The following BCKDK variants were observed in gnomAD, a reference collection of about 807,000 sequenced individuals.
BCKDK encodes the protein branched chain keto acid dehydrogenase kinase.
In BCKDK, 28 loss-of-function variants were observed where a neutral mutation model predicts 43.9. The ratio of observed to expected loss-of-function variants is 0.64; its 90% CI spans 0.47 to 0.87. The LOEUF (loss-of-function observed/expected upper bound fraction) is 0.87, where lower values mean the gene tolerates loss of function less well. BCKDK is among the 40% of genes least tolerant of loss of function. The probability of loss-of-function intolerance (pLI) is 0.00; values close to 1 mark genes in which losing one functional copy is unlikely to be tolerated. For synonymous variants in BCKDK, 257 were observed against 234.3 expected (o/e 1.10, Z -0.88); for missense variants, 483 against 581.4 (o/e 0.83, Z 1.74).
downstream of BCKDK, among the ~76,000 whole-genome samples, chr16:31,115,539 CTTTT>C (rs543750810): frequency 6.6e-6 from 1 of 150,662 alleles, no homozygotes; most frequent in African/African-American, 2.4e-5. Flanking sequence ...TCTTTCCCCC[CTTTT>C]TTTTTGAGAC....
In BCKDK at chr16:31,112,358, A is replaced by C. The variant is rs776095748; in HGVS notation, c.*93A>C. The C allele has an allele frequency of 1.9e-6, 3 of 1,564,282 alleles. No individual in the cohort carries two copies. The highest frequency in any genetic ancestry group is 1.7e-6 in the Non-Finnish European group (2 of 1,150,934). ...GGCAGGGCGGCCCCCTGCTCCACAC[A>C]CTGCTGCATCTTGGGTCTCAGGGAC... On this transcript the variant is annotated 3_prime_UTR_variant, in exon 12 of 12. Transcript: ENST00000219794. This position sits in a 1 kb window ranked among gnomAD's most constrained non-coding sequence, Gnocchi z 5.0.
chr16:31,116,956 C>T (rs1260166084), downstream of BCKDK, among the ~76,000 whole-genome samples: 5 of 145,442 alleles, frequency 3.4e-5, no homozygotes, highest in East Asian at 1.1e-3. Context: ...CGACATTAGG[C>T]CAGCGCGAGT....
chr16:31,114,993 C>T (rs959223893), downstream of BCKDK, among the ~76,000 whole-genome samples: 4 of 151,870 alleles, frequency 2.6e-5, no homozygotes, highest in East Asian at 3.9e-4. Flanking sequence ...GGCGCGATCT[C>T]GGCTCACTGC....
chr16:31,117,584 C>A, downstream of BCKDK: 2 of 1,032,726 alleles, frequency 1.9e-6, no homozygotes, highest in Non-Finnish European at 2.6e-6. Flanking sequence ...CATCACAGAC[C>A]CCGCCCTCAA....
chr16:31,115,083 CCTGA>C (rs954696408), downstream of BCKDK, among the ~76,000 whole-genome samples: 2 of 151,344 alleles, frequency 1.3e-5, no homozygotes, highest in Non-Finnish European at 2.9e-5. Flanking sequence ...CGCCACCACC[CCTGA>C]CTGTTTTGTA....
downstream of BCKDK, chr16:31,117,430 T>A (rs1031749292): frequency 2.7e-6 from 1 of 376,282 alleles, no homozygotes; most frequent in Non-Finnish European, 4.7e-6. Flanking sequence ...AGTCATCGCA[T>A]GAGGTAAGTC....
At chr16:31,117,423 C>G (rs2057455129), downstream of BCKDK, 2 of 348,142 alleles carry the variant, frequency 5.7e-6, no homozygotes, top group Non-Finnish European at 1.0e-5. Flanking sequence ...TGAGTTGAGT[C>G]ATCGCATGAG....
At position 31,109,836 on chromosome 16, in the gene BCKDK, G is replaced by C. The variant is rs1237013346; in HGVS notation, c.375+53G>C. On this transcript the variant is annotated intron_variant, in intron 4 of 11. Coordinates refer to ENST00000219794, the MANE Select transcript of BCKDK (RefSeq NM_005881.4). The surrounding 1 kb of genome is among the most constrained non-coding windows in gnomAD (Gnocchi z 5.3). ...GGGCCACCCTGCCCCGGGGGCAAGT[G>C]GGGAGTCTGGGGCCCAGAGTGGCAG... 4.5e-6 allele frequency: 7 copies of C among 1,564,972 alleles called. No homozygotes were observed. The highest frequency in any genetic ancestry group is 1.1e-5 in the South Asian group (1 of 89,788).
At position 31,109,928 on chromosome 16, in the gene BCKDK, T is replaced by G; in HGVS notation, c.375+145T>G. On this transcript the variant is annotated intron_variant, in intron 4 of 11. Transcript: ENST00000219794. This position sits in a 1 kb window ranked among gnomAD's most constrained non-coding sequence, Gnocchi z 5.3. ...ACCCCAGGCCTTCAGAAGCCAAAGGTGTGTATTCACGGAGCCTGGAAGGGT... is the reference window on the plus strand; with the variant it reads ...ACCCCAGGCCTTCAGAAGCCAAAGGGGTGTATTCACGGAGCCTGGAAGGGT... 1 of 1,372,298 alleles carries G rather than the reference T, an allele frequency of 7.3e-7. No homozygotes were observed. Among genetic ancestry groups the G allele is most frequent in the Non-Finnish European group, 1.0e-6 (1 of 971,030 alleles). The allele number at this position is 1,372,298 out of a possible 1,614,324, so 85.0% of individuals were successfully genotyped here. A position where few individuals can be genotyped will look rare whatever the true frequency, so the allele number is the denominator to read the frequency against.
Position 31,110,893 on chromosome 16 carries a change from G to A in BCKDK, c.716+132G>A. The A allele has an allele frequency of 1.8e-5, 25 of 1,385,944 alleles. No homozygotes were observed. The highest frequency in any genetic ancestry group is 2.5e-5 in the Non-Finnish European group (25 of 995,040). 85.9% of individuals were successfully genotyped at this position (1,385,944 alleles called of 1,614,324 possible). On this transcript the variant is annotated intron_variant, in intron 8 of 11. Coordinates refer to ENST00000219794, the MANE Select transcript of BCKDK (RefSeq NM_005881.4). This position sits in a 1 kb window ranked among gnomAD's most constrained non-coding sequence, Gnocchi z 5.4. ...ATGGCACTATTGACATTTCCAGCCA[G>A]ATAATTCTTTGTCACAGGGGCTGCC...
At chr16:31,111,810 G>C in intron 10 of BCKDK, 59 bp from the exon 11 acceptor site, 4 of 1,598,756 alleles carry the variant, frequency 2.5e-6, no homozygotes, top group South Asian at 2.2e-5. Context: ...GTCTGCTTGG[G>C]GGGTGGTGAG....
In BCKDK at chr16:31,109,838, G is replaced by A; in HGVS notation, c.375+55G>A. ...GCCACCCTGCCCCGGGGGCAAGTGG[G>A]GAGTCTGGGGCCCAGAGTGGCAGAC... On this transcript the variant is annotated intron_variant, in intron 4 of 11. Coordinates refer to ENST00000219794, the MANE Select transcript of BCKDK (RefSeq NM_005881.4). This position sits in a 1 kb window ranked among gnomAD's most constrained non-coding sequence, Gnocchi z 5.3. 1 of 1,565,528 alleles carries A rather than the reference G, an allele frequency of 6.4e-7. No individual in the cohort carries two copies. The highest frequency in any genetic ancestry group is 8.8e-7 in the Non-Finnish European group (1 of 1,137,572).
At chr16:31,113,292 C>T (rs975821764), downstream of BCKDK, among the ~76,000 whole-genome samples, 1 of 152,188 alleles carries the variant, frequency 6.6e-6, no homozygotes, top group Non-Finnish European at 1.5e-5. Context: ...ATCTCCTACC[C>T]TTCACGGGGA....
chr16:31,111,745 A>T (rs936799504), intron 10 of BCKDK, 124 bp from the exon 11 acceptor site: 416 of 1,310,596 alleles, frequency 3.2e-4, no homozygotes, highest in Middle Eastern at 1.9e-3. Context: ...CCAAGGGTCT[A>T]GGTGGACCAC....
At position 31,112,157 on chromosome 16, in the gene BCKDK, G is replaced by A. The variant is rs151090898; in HGVS notation, c.1131G>A (p.Ala377=). The change falls in exon 12 of 12, where the codon GCG becomes GCA. Residue 377 remains alanine (A), a synonymous_variant. Transcript: ENST00000219794. This position sits in a 1 kb window ranked among gnomAD's most constrained non-coding sequence, Gnocchi z 5.0. ...GFGLPTSRAY[A]EYLGGSLQLQ... is the part of the protein sequence containing the mutation. ...GGTTGCCCACGTCACGGGCCTACGCGGAGTACCTCGGTGGGTCTCTGCAGC... is the reference window on the plus strand; with the variant it reads ...GGTTGCCCACGTCACGGGCCTACGCAGAGTACCTCGGTGGGTCTCTGCAGC... 44 of 1,613,450 alleles carry A rather than the reference G, an allele frequency of 2.7e-5. No homozygotes were observed. The highest frequency in any genetic ancestry group is 1.5e-4 in the African/African-American group (11 of 74,938).
Position 31,110,064 on chromosome 16 carries a change from C to G in BCKDK, c.376-13C>G, listed in dbSNP as rs1427092328. 6.2e-7 allele frequency: 1 copy of G among 1,614,174 alleles called. No homozygotes were observed. Among genetic ancestry groups the G allele is most frequent in the Non-Finnish European group, 8.5e-7 (1 of 1,180,040 alleles). ...CATGCGGCTTTGTGAATTCCCACACCTCTTCCTTGCAGCATGAGCTATATA... is the reference window on the plus strand; with the variant it reads ...CATGCGGCTTTGTGAATTCCCACACGTCTTCCTTGCAGCATGAGCTATATA... On this transcript the variant is annotated splice_polypyrimidine_tract_variant and intron_variant, in intron 4 of 11. Transcript: ENST00000219794. This position sits in a 1 kb window ranked among gnomAD's most constrained non-coding sequence, Gnocchi z 5.4.
At position 31,111,196 on chromosome 16, in the gene BCKDK, G is replaced by A. The variant is rs55884792; in HGVS notation, c.822G>A (p.Pro274=). The change falls in exon 9 of 12, where the codon CCG becomes CCA. Residue 274 remains proline (P), a synonymous_variant. Transcript: ENST00000219794. ...FIPMPLDYIL[P]ELLKNAMRAT... is the part of the protein sequence containing the mutation. ...CTATGCCACTGGACTACATCCTGCC[G>A]GAGCTGCTCAAGAATGCCATGAGGT... 283 of 1,614,034 alleles carry A rather than the reference G, an allele frequency of 1.8e-4. No individual in the cohort carries two copies. The highest frequency in any genetic ancestry group is 3.6e-4 in the East Asian group (16 of 44,898).
At position 31,112,707 on chromosome 16, in the gene BCKDK, G is replaced by A. The variant is rs939435513; in HGVS notation, c.*442G>A. ...GCCTGGCAGGCCAGGAGTAGAATGG[G>A]TCCCAAGTCTGTTGCATGTTTGATT... On this transcript the variant is annotated 3_prime_UTR_variant, in exon 12 of 12. Transcript: ENST00000219794. This position sits in a 1 kb window ranked among gnomAD's most constrained non-coding sequence, Gnocchi z 5.0. The A allele has an allele frequency of 6.1e-6, 2 of 330,218 alleles. No homozygotes were observed. Among genetic ancestry groups the A allele is most frequent in the Admixed American group, 4.6e-5 (1 of 21,638 alleles). 20.5% of individuals were successfully genotyped at this position (330,218 alleles called of 1,614,324 possible).
In BCKDK at chr16:31,109,494, C is replaced by T. The variant is rs2057392217; in HGVS notation, c.196-17C>T. 6.2e-7 allele frequency: 1 copy of T among 1,613,990 alleles called. No homozygotes were observed. Among genetic ancestry groups the T allele is most frequent in the Non-Finnish European group, 8.5e-7 (1 of 1,179,992 alleles). On this transcript the variant is annotated splice_polypyrimidine_tract_variant and intron_variant, in intron 2 of 11. Transcript: ENST00000219794. The surrounding 1 kb of genome is among the most constrained non-coding windows in gnomAD (Gnocchi z 5.3). The stretch of plus-strand genomic sequence containing the variant: ...AGTGTTGGGGGTTCTCTGCTCAAGG[C>T]CTCTCTCCCTCTCTAGCCCTCAGTC...
Sources: gnomAD v4.1 joint callset for allele counts (sites outside exome capture counted in the v4.1 genomes callset) on GRCh38, gnomAD v4.1.1 for gene constraint, Gnocchi (gnomAD v3.1) non-coding constraint, MANE v1.5 for transcripts, NCBI Gene and HGNC (gene_info 2026-07-23, HGNC 2026-07-21) for gene names.